Variants in NAV1 observed in about 807,000 individuals in gnomAD.
NAV1 encodes pore membrane and/or filament interacting like protein 3.
In NAV1, 18 loss-of-function variants were observed where a neutral mutation model predicts 175.2. The observed-to-expected ratio is 0.10, with a 90% CI of 0.07 to 0.15. The LOEUF is 0.15. Ranked by LOEUF, NAV1 falls within the 10% of genes least tolerant of loss-of-function variation. The pLI is 1.00. For synonymous variants in NAV1, 897 were observed against 978.7 expected, an observed-to-expected ratio of 0.92 and a Z score of 1.56; for missense variants, 1,731 against 2,436.6, an observed-to-expected ratio of 0.71 and a Z score of 6.10.
At chr1:201,569,414 C>G (rs1186349885) in intron 1 of NAV1, among the ~76,000 whole-genome samples, 1 of 152,216 alleles carries the variant, frequency 6.6e-6, no homozygotes, top group Admixed American at 6.5e-5. Flanking sequence ...GCTCTTGAAA[C>G]AAATGACTCC....
At chr1:201,679,772 C>G (rs988259499) in intron 1 of NAV1, among the ~76,000 whole-genome samples, 2 of 152,218 alleles carry the variant, frequency 1.3e-5, no homozygotes, top group African/African-American at 2.4e-5. Flanking sequence ...GCACTCTGCT[C>G]TCTCAGGGAG....
In NAV1 at chr1:201,815,163, C is replaced by G. The variant is rs1678949581; in HGVS notation, c.5340+1905C>G. Reference sequence around the variant, plus strand: ...TGTGCATGTTAAGTTTTAATGAAACCTAGGCATCCATCAGTAGATGAATGG... The same window carrying G: ...TGTGCATGTTAAGTTTTAATGAAACGTAGGCATCCATCAGTAGATGAATGG... On this transcript the variant is annotated intron_variant, in intron 28 of 29. Coordinates refer to ENST00000367296, the Ensembl canonical transcript of NAV1. 2.0e-5 allele frequency among the ~76,000 whole-genome samples: 3 copies of G among 151,640 alleles called. No individual in the cohort carries two copies. In the South Asian group the frequency reaches 6.2e-4, roughly 31 times the overall value.
At chr1:201,679,286 C>T (rs1206498886) in intron 1 of NAV1, among the ~76,000 whole-genome samples, 3 of 152,154 alleles carry the variant, frequency 2.0e-5, no homozygotes, top group East Asian at 3.9e-4. Context: ...CTCTAATTAC[C>T]GGTGTGCATC....
At chr1:201,775,961 G>A (rs969103054) in intron 3 of NAV1, among the ~76,000 whole-genome samples, 1 of 152,194 alleles carries the variant, frequency 6.6e-6, no homozygotes, top group African/African-American at 2.4e-5. Context: ...GGAAACTGAA[G>A]CAGAAAGATC....
chr1:201,543,106 A>G (rs896059262), intron 1 of NAV1, among the ~76,000 whole-genome samples: 27 of 152,196 alleles, frequency 1.8e-4, no homozygotes, highest in Non-Finnish European at 3.7e-4. Context: ...TCCAATTTGA[A>G]TGATTTTTAT....
chr1:201,565,005 C>T (rs1016167391), intron 1 of NAV1, among the ~76,000 whole-genome samples: 1 of 152,152 alleles, frequency 6.6e-6, no homozygotes. Flanking sequence ...ATCCAAGATA[C>T]CCTACCCATT....
At position 201,639,569 on chromosome 1, in the gene NAV1, C is replaced by G. The variant is rs1047094425; in HGVS notation, c.5-9065C>G. Among the ~76,000 whole-genome samples, 29 of 152,252 alleles carry G rather than the reference C, an allele frequency of 1.9e-4. 1 individual carries two copies. The highest frequency in any genetic ancestry group is 6.7e-4 in the African/African-American group (28 of 41,562). On this transcript the variant is annotated intron_variant, in intron 2 of 29. Coordinates refer to the NAV1 transcript ENST00000367302. ...AGTGTCCAGCCCTGAGAAGAAGAAGCCCAGCCCTGAGTCAGACCTCCCTAG... is the reference window on the plus strand; with the variant it reads ...AGTGTCCAGCCCTGAGAAGAAGAAGGCCAGCCCTGAGTCAGACCTCCCTAG...
intron 2 of NAV1, among the ~76,000 whole-genome samples, chr1:201,643,081 CTCTTTCTTTCTTTTTCTCTTTCTT>C (rs1437709725): frequency 1.3e-5 from 2 of 150,520 alleles, no homozygotes; most frequent in African/African-American, 5.0e-5. Flanking sequence ...GCCTCTTTCT[CTCTTTCTTTCTTTTTCTCTTTCTT>C]TCTTTCTTTC....
intron 2 of NAV1, among the ~76,000 whole-genome samples, chr1:201,614,780 A>G (rs1667955718): frequency 6.6e-6 from 1 of 152,134 alleles, no homozygotes; most frequent in African/African-American, 2.4e-5. Context: ...GACTGTTTGG[A>G]TCTAATCTTG....
At chr1:201,707,814 C>T (rs1671733292) in intron 1 of NAV1, among the ~76,000 whole-genome samples, 1 of 152,220 alleles carries the variant, frequency 6.6e-6, no homozygotes, top group South Asian at 2.1e-4. Context: ...ATGCATATGT[C>T]TGCAGAATTG....
intron 1 of NAV1, among the ~76,000 whole-genome samples, chr1:201,701,263 G>A (rs995460656): frequency 6.6e-6 from 1 of 151,122 alleles, no homozygotes; most frequent in African/African-American, 2.4e-5. Context: ...GGCCTGTTGT[G>A]GGGGTGGGGA....
chr1:201,659,423 G>C (rs1449256657), intron 1 of NAV1, among the ~76,000 whole-genome samples: 1 of 152,182 alleles, frequency 6.6e-6, no homozygotes, highest in Non-Finnish European at 1.5e-5. Flanking sequence ...CAAGACCAGT[G>C]TGGGCAACAA....
At chr1:201,671,025 C>T (rs1670025628) in intron 1 of NAV1, among the ~76,000 whole-genome samples, 1 of 152,140 alleles carries the variant, frequency 6.6e-6, no homozygotes, top group Non-Finnish European at 1.5e-5. Flanking sequence ...TAGTAAAGGA[C>T]ACTCACTGTT....
intron 1 of NAV1, among the ~76,000 whole-genome samples, chr1:201,543,261 T>A (rs141398342): frequency 5.1e-4 from 77 of 152,328 alleles, no homozygotes; most frequent in Non-Finnish European, 8.7e-4. Context: ...ATGTTAGCTG[T>A]GGGCTTTTCA....
At chr1:201,747,331 A>G (rs946908920) in intron 3 of NAV1, among the ~76,000 whole-genome samples, 4 of 152,236 alleles carry the variant, frequency 2.6e-5, no homozygotes, top group Non-Finnish European at 5.9e-5. Flanking sequence ...AAATAGTTCT[A>G]TAAGACTATA....
intron 2 of NAV1, among the ~76,000 whole-genome samples, chr1:201,598,153 C>T (rs925936980): frequency 3.9e-5 from 6 of 152,226 alleles, no homozygotes; most frequent in Admixed American, 1.3e-4. Flanking sequence ...GCTCTGGCAG[C>T]TCAGGGCCAC....
intron 1 of NAV1, among the ~76,000 whole-genome samples, chr1:201,689,524 AAGGG>A (rs1670816438): frequency 6.6e-6 from 1 of 152,172 alleles, no homozygotes; most frequent in Non-Finnish European, 1.5e-5. Flanking sequence ...TCATAAGCAA[AAGGG>A]ACAGGATGGA....
chr1:201,592,035 GC>G (rs1364234979), intron 2 of NAV1, among the ~76,000 whole-genome samples: 1 of 152,170 alleles, frequency 6.6e-6, no homozygotes, highest in Non-Finnish European at 1.5e-5. Flanking sequence ...GCTAGACAAT[GC>G]GAGGACAGTC....
At chr1:201,679,588 C>A (rs1039755209) in intron 1 of NAV1, among the ~76,000 whole-genome samples, 1 of 152,198 alleles carries the variant, frequency 6.6e-6, no homozygotes, top group East Asian at 1.9e-4. Flanking sequence ...CCCCAGTCAC[C>A]AGATACTTCA....
Sources: gnomAD v4.1 joint callset for allele counts (sites outside exome capture counted in the v4.1 genomes callset) on GRCh38, gnomAD v4.1.1 for gene constraint, MANE v1.5 for transcripts, NCBI Gene and HGNC (gene_info 2026-07-23, HGNC 2026-07-21) for gene names.